The following PRDM10 variants were observed in gnomAD, a reference collection of about 807,000 sequenced individuals.
PRDM10 encodes the protein PR/SET domain 10, also known as PR domain zinc finger protein 10.
Under a neutral mutation model 133.1 loss-of-function variants are expected in PRDM10, and 65 were observed. That is an observed-to-expected ratio of 0.49 (90% confidence interval 0.40 to 0.60). The LOEUF (loss-of-function observed/expected upper bound fraction) is 0.60, where lower values mean the gene tolerates loss of function less well. PRDM10 is among the 20% of genes least tolerant of loss of function. The pLI, the probability that PRDM10 is intolerant of heterozygous loss-of-function variation, is 0.00. For missense variants in PRDM10, 1,137 were observed against 1,507.1 expected (o/e 0.75, Z 4.07); for synonymous variants, 582 against 580.4 (o/e 1.00, Z -0.04).
chr11:129,964,354 T>C (rs915572464), intron 1 of PRDM10, among the ~76,000 whole-genome samples: 5 of 152,242 alleles, frequency 3.3e-5, no homozygotes, highest in Non-Finnish European at 7.3e-5. Flanking sequence ...TAAATGCAGC[T>C]GGCTCAAAAT....
At chr11:129,910,328 G>C in intron 19 of PRDM10, 148 bp downstream of exon 19, 5 of 1,170,700 alleles carry the variant, frequency 4.3e-6, no homozygotes, top group Non-Finnish European at 6.0e-6. Flanking sequence ...CTTGAGTTTT[G>C]TCATGAAACC....
At chr11:129,983,108 C>T (rs1287298478) in intron 1 of PRDM10, among the ~76,000 whole-genome samples, 2 of 151,728 alleles carry the variant, frequency 1.3e-5, no homozygotes, top group Admixed American at 1.3e-4. Flanking sequence ...TCCCGAATAG[C>T]TGGGATTACA....
chr11:129,989,954 G>A (rs937048374), intron 1 of PRDM10, among the ~76,000 whole-genome samples: 1 of 152,080 alleles, frequency 6.6e-6, no homozygotes, highest in Non-Finnish European at 1.5e-5. Flanking sequence ...TGTAATCCCA[G>A]CACCTTGAAA....
In PRDM10 at chr11:129,923,527, G is replaced by T; in HGVS notation, c.1879-124C>A. On this transcript the variant is annotated intron_variant, in intron 12 of 20. Coordinates refer to ENST00000360871, the MANE Select transcript of PRDM10 (RefSeq NM_199437.2). The surrounding 1 kb of genome is among the most constrained non-coding windows in gnomAD (Gnocchi z 4.4). ...ATGGGTTTTCATCAACCCCGCCGAG[G>T]AATCCAATCAGATGTGATAATTGGC... 1 of 1,036,970 alleles carries T rather than the reference G, an allele frequency of 9.6e-7. No individual in the cohort carries two copies. The allele number at this position is 1,036,970 out of a possible 1,614,324, so 64.2% of individuals were successfully genotyped here.
At chr11:129,975,678 C>T (rs910022201) in intron 1 of PRDM10, among the ~76,000 whole-genome samples, 3 of 152,140 alleles carry the variant, frequency 2.0e-5, no homozygotes, top group Non-Finnish European at 2.9e-5. Flanking sequence ...GGCCCTTCCT[C>T]TGCCCAGCCA....
chr11:129,973,328 C>A (rs1937614662), intron 1 of PRDM10, among the ~76,000 whole-genome samples: 1 of 152,128 alleles, frequency 6.6e-6, no homozygotes, highest in Non-Finnish European at 1.5e-5. Flanking sequence ...TTAAGTTAAG[C>A]TAGTTGGCAA....
chr11:129,905,254 T>A (rs1269436827), intron 20 of PRDM10, among the ~76,000 whole-genome samples: 3 of 150,334 alleles, frequency 2.0e-5, no homozygotes, highest in African/African-American at 7.4e-5. Flanking sequence ...CCCAGCTACT[T>A]GGGAGGCTGA....
intron 1 of PRDM10, among the ~76,000 whole-genome samples, chr11:130,002,302 G>A (rs1377111312): frequency 1.6e-4 from 24 of 151,630 alleles, no homozygotes; most frequent in Admixed American, 1.5e-3. Context: ...CGCGCGGCCG[G>A]CGGAGCGTGC....
intron 1 of PRDM10, among the ~76,000 whole-genome samples, chr11:129,992,699 T>G (rs547200768): frequency 6.6e-6 from 1 of 152,362 alleles, no homozygotes; most frequent in African/African-American, 2.4e-5. Flanking sequence ...AAAGCTGTGA[T>G]GAAGGGCTCC....
intron 17 of PRDM10, among the ~76,000 whole-genome samples, chr11:129,914,205 T>C (rs1950280106): frequency 2.0e-5 from 3 of 152,236 alleles, no homozygotes; most frequent in Admixed American, 2.0e-4. Context: ...TTTTGCCATG[T>C]TGGCCAGGCT....
intron 1 of PRDM10, among the ~76,000 whole-genome samples, chr11:129,964,614 G>A (rs573056646): frequency 1.3e-5 from 2 of 152,116 alleles, no homozygotes; most frequent in African/African-American, 4.8e-5. Context: ...CTTTCATATT[G>A]TTCCATATAT....
intron 11 of PRDM10, among the ~76,000 whole-genome samples, chr11:129,929,054 T>C (rs770562948): frequency 1.3e-5 from 2 of 152,242 alleles, no homozygotes; most frequent in African/African-American, 4.8e-5. Flanking sequence ...TACATTAGTA[T>C]TGATTTCCTA....
chr11:129,963,124 G>T (rs1023155024), intron 1 of PRDM10, among the ~76,000 whole-genome samples: 1 of 151,426 alleles, frequency 6.6e-6, no homozygotes, highest in African/African-American at 2.4e-5. Context: ...ACTCCTGCAT[G>T]GGTCACAGAG....
chr11:129,918,493 A>T lies in PRDM10; in HGVS notation c.2214+46T>A, dbSNP rs1455530740. 1 of 1,577,866 alleles carries T rather than the reference A, an allele frequency of 6.3e-7. No individual in the cohort carries two copies. The highest frequency in any genetic ancestry group is 1.4e-5 in the African/African-American group (1 of 73,752). Reference sequence around the variant, plus strand: ...AACGTCACCATCATCGACAGCAATGAGGTATGCTGGGAAGACAGAGGAACC... The same window carrying T: ...AACGTCACCATCATCGACAGCAATGTGGTATGCTGGGAAGACAGAGGAACC... On this transcript the variant is annotated intron_variant, in intron 14 of 20. Coordinates refer to ENST00000360871, the MANE Select transcript of PRDM10 (RefSeq NM_199437.2). The surrounding 1 kb of genome is among the most constrained non-coding windows in gnomAD (Gnocchi z 5.3).
At chr11:129,977,620 G>C (rs12283971) in intron 1 of PRDM10, among the ~76,000 whole-genome samples, 1 of 151,902 alleles carries the variant, frequency 6.6e-6, no homozygotes, top group Non-Finnish European at 1.5e-5. Flanking sequence ...TAAACTAAAC[G>C]TACCTTTAGT....
rs192576615 is a variant in PRDM10, at chr11:129,943,901, G to A, written c.762+870C>T. On this transcript the variant is annotated intron_variant, in intron 6 of 20. Coordinates refer to ENST00000360871, the MANE Select transcript of PRDM10 (RefSeq NM_199437.2). ...CCAGCTACTCGGGAGGCTGAGGCAG[G>A]AGAATCGCTTGAACCTGGAGGCAGG... Among the ~76,000 whole-genome samples the A allele has an allele frequency of 4.8e-3, 731 of 152,248 alleles. 12 individuals carry two copies. Among genetic ancestry groups the A allele is most frequent in the Middle Eastern group, 0.01 (3 of 294 alleles).
chr11:129,903,837 G>T (rs1949924122), intron 20 of PRDM10, among the ~76,000 whole-genome samples: 1 of 152,116 alleles, frequency 6.6e-6, no homozygotes. Context: ...CTCCTAGGGG[G>T]TCCATAGGTC....
rs759964923 is a variant in PRDM10, at chr11:129,910,520, T to C, written c.3119A>G (p.Gln1040Arg). Reference protein sequence around the residue: ...QQQQQQNSSVQHTYLPSAWNS... With the variant: ...QQQQQQNSSVRHTYLPSAWNS... ...CCAAGCACTGGGCAGGTACGTGTGC[T>C]GCACAGAGGAATTCTGCTGCTGCTG... The change falls in exon 19 of 21, where the codon CAG becomes CGG. Residue 1040 changes from glutamine (Q) to arginine (R), a missense_variant. Physicochemically the swap from Gln to Arg is conservative, Grantham distance 43. This residue lies in a region of PRDM10 where 243 missense variants were observed against 259.2 expected (regional missense o/e 0.94). Coordinates refer to ENST00000360871, the MANE Select transcript of PRDM10 (RefSeq NM_199437.2). The C allele has an allele frequency of 6.2e-7, 1 of 1,614,174 alleles. No individual in the cohort carries two copies. Among genetic ancestry groups the C allele is most frequent in the African/African-American group, 1.3e-5 (1 of 75,054 alleles).
At chr11:129,913,753 CGA>C (rs1950265350) in intron 17 of PRDM10, among the ~76,000 whole-genome samples, 1 of 152,164 alleles carries the variant, frequency 6.6e-6, no homozygotes, top group Non-Finnish European at 1.5e-5. Flanking sequence ...GAATAGTCAA[CGA>C]CAGTGGCAAC....
Sources: gnomAD v4.1 joint callset for allele counts (sites outside exome capture counted in the v4.1 genomes callset) on GRCh38, gnomAD v4.1.1 for gene constraint, gnomAD v4.1.1 regional missense constraint, Gnocchi (gnomAD v3.1) non-coding constraint, MANE v1.5 for transcripts, NCBI Gene and HGNC (gene_info 2026-07-23, HGNC 2026-07-21) for gene names.